The following CD86 variants were observed in gnomAD, a reference collection of about 807,000 sequenced individuals.
The protein encoded by CD86 is T-lymphocyte activation antigen CD86.
A neutral mutation model predicts 32.1 loss-of-function variants in CD86; 11 were observed. The ratio of observed to expected loss-of-function variants is 0.34; its 90% CI spans 0.22 to 0.57. CD86 has a LOEUF of 0.57. CD86 is among the 20% of genes least tolerant of loss of function. The pLI is 0.86. For missense variants in CD86, 359 were observed against 398.4 expected, an observed-to-expected ratio of 0.90 and a Z score of 0.84; for synonymous variants, 137 against 135.3, an observed-to-expected ratio of 1.01 and a Z score of -0.09.
chr3:122,101,012 G>T (rs2072991079), intron 2 of CD86, among the ~76,000 whole-genome samples: 1 of 152,150 alleles, frequency 6.6e-6, no homozygotes, highest in Non-Finnish European at 1.5e-5. Flanking sequence ...GCCTGGCTCT[G>T]TGTGAGATCA....
chr3:122,084,001 T>C (rs2072676568), intron 1 of CD86, among the ~76,000 whole-genome samples: 1 of 152,206 alleles, frequency 6.6e-6, no homozygotes, highest in South Asian at 2.1e-4. Flanking sequence ...TATTCTTTTT[T>C]TCTGAGATGG....
chr3:122,059,442 A>G (rs927327834), intron 1 of CD86, among the ~76,000 whole-genome samples: 1 of 152,048 alleles, frequency 6.6e-6, no homozygotes, highest in African/African-American at 2.4e-5. Flanking sequence ...AGACTGAGGC[A>G]CGAGAATAGC....
At chr3:122,117,548 A>T (rs763546398) in intron 5 of CD86, among the ~76,000 whole-genome samples, 2 of 152,242 alleles carry the variant, frequency 1.3e-5, no homozygotes, top group Non-Finnish European at 2.9e-5. Flanking sequence ...TATCAATAGC[A>T]ACTCAGGCTT....
At chr3:122,093,046 T>C (rs2072850766) in intron 2 of CD86, among the ~76,000 whole-genome samples, 1 of 152,152 alleles carries the variant, frequency 6.6e-6, no homozygotes, top group Non-Finnish European at 1.5e-5. Context: ...CCTGCTACCT[T>C]AGCTCCTGGG....
At chr3:122,063,631 C>A (rs377587160) in intron 1 of CD86, among the ~76,000 whole-genome samples, 2 of 149,052 alleles carry the variant, frequency 1.3e-5, no homozygotes, top group African/African-American at 2.5e-5. Context: ...GTCTCACTCA[C>A]GTTGTCACCT....
chr3:122,066,764 T>C (rs1247828312), intron 1 of CD86, among the ~76,000 whole-genome samples: 1 of 151,696 alleles, frequency 6.6e-6, no homozygotes, highest in Admixed American at 6.6e-5. Flanking sequence ...GTACCAGGAG[T>C]GCAAAGGGAA....
intron 5 of CD86, among the ~76,000 whole-genome samples, chr3:122,112,223 C>G (rs946866504): frequency 6.6e-5 from 10 of 152,116 alleles, no homozygotes; most frequent in African/African-American, 2.4e-4. Flanking sequence ...GCTTGCCTCC[C>G]TAGAACAAAC....
At chr3:122,094,025 C>T (rs2072869951) in intron 2 of CD86, among the ~76,000 whole-genome samples, 1 of 152,188 alleles carries the variant, frequency 6.6e-6, no homozygotes. Flanking sequence ...TAGCTTCTGC[C>T]TCATCCGTGT....
At chr3:122,059,460 C>G (rs1176640342) in intron 1 of CD86, among the ~76,000 whole-genome samples, 1 of 150,804 alleles carries the variant, frequency 6.6e-6, no homozygotes, top group African/African-American at 2.4e-5. Context: ...AGCTTGAACC[C>G]AGGAGGCAGA....
intron 1 of CD86, among the ~76,000 whole-genome samples, chr3:122,066,802 A>G (rs995604617): frequency 6.6e-6 from 1 of 152,128 alleles, no homozygotes; most frequent in Non-Finnish European, 1.5e-5. Flanking sequence ...AACTTGTGGA[A>G]CTCAGAGCAG....
chr3:122,108,600 A>C (rs551328545), intron 4 of CD86, among the ~76,000 whole-genome samples: 5 of 152,106 alleles, frequency 3.3e-5, no homozygotes, highest in Non-Finnish European at 5.9e-5. Context: ...CTGTTTTCCA[A>C]CTCCCCAGAA....
chr3:122,094,088 G>A (rs1327852449), intron 2 of CD86, among the ~76,000 whole-genome samples: 1 of 152,110 alleles, frequency 6.6e-6, no homozygotes. Flanking sequence ...GTTGACCCAA[G>A]AGCTTGGGCC....
intron 3 of CD86, among the ~76,000 whole-genome samples, chr3:122,104,453 C>T (rs1035028318): frequency 1.3e-5 from 2 of 152,176 alleles, no homozygotes; most frequent in African/African-American, 4.8e-5. Flanking sequence ...AATGCCACTA[C>T]AGATTTTTTT....
At chr3:122,078,163 C>A in intron 1 of CD86, 1 of 503,988 alleles carries the variant, frequency 2.0e-6, no homozygotes, top group Non-Finnish European at 2.6e-6. Context: ...AAAGGGATTG[C>A]AGAGAGCATG....
At chr3:122,065,840 G>A (rs1347290633) in intron 1 of CD86, among the ~76,000 whole-genome samples, 1 of 152,020 alleles carries the variant, frequency 6.6e-6, no homozygotes, top group Non-Finnish European at 1.5e-5. Context: ...CTGGGTGTTG[G>A]AAGAAACTGA....
rs116795470 is a variant in CD86, at chr3:122,067,249, C to T, written c.14+11746C>T. Among the ~76,000 whole-genome samples the T allele has an allele frequency of 2.6e-3, 402 of 152,196 alleles. 1 individual carries two copies. Among genetic ancestry groups the T allele is most frequent in the African/African-American group, 9.3e-3 (387 of 41,520 alleles). On this transcript the variant is annotated intron_variant, in intron 1 of 6. Transcript: ENST00000330540. ...GAACACTAACTCATGAGGAGTAAGG[C>T]GCGGGTCTTTAAAGGAAGGAAGTTT... is the stretch of plus-strand genomic sequence containing the variant.
intron 1 of CD86, among the ~76,000 whole-genome samples, chr3:122,071,461 C>T (rs1409965986): frequency 6.6e-6 from 1 of 152,142 alleles, no homozygotes; most frequent in East Asian, 1.9e-4. Flanking sequence ...ATCTTGATGG[C>T]TCATTTCTAT....
chr3:122,118,211 A>G, intron 6 of CD86, 118 bp downstream of exon 6: 1 of 797,370 alleles, frequency 1.3e-6, no homozygotes, highest in Non-Finnish European at 2.1e-6. Flanking sequence ...ACTAATGGAG[A>G]GGGAGAGGAA....
At chr3:122,097,569 G>A (rs80340446) in intron 2 of CD86, among the ~76,000 whole-genome samples, 1 of 152,186 alleles carries the variant, frequency 6.6e-6, no homozygotes, top group Non-Finnish European at 1.5e-5. Context: ...GACTTAGGGG[G>A]TCGCCTTACC....
Sources: allele counts gnomAD v4.1 joint callset (sites outside exome capture counted in the v4.1 genomes callset), GRCh38; gene constraint gnomAD v4.1.1; transcripts MANE v1.5; gene names NCBI Gene and HGNC (gene_info 2026-07-23, HGNC 2026-07-21).